PCDHGA1: variants seen among roughly 807,000 people sequenced by gnomAD.
PCDHGA1 encodes the protein protocadherin gamma-A1.
In PCDHGA1, 32 loss-of-function variants were observed where a neutral mutation model predicts 58.0. The ratio of observed to expected loss-of-function variants is 0.55; its 90% CI spans 0.42 to 0.74. PCDHGA1 has a LOEUF of 0.74. PCDHGA1 is among the 30% of genes least tolerant of loss of function. The probability of loss-of-function intolerance (pLI) is 0.00; values close to 1 mark genes in which losing one functional copy is unlikely to be tolerated. For synonymous variants in PCDHGA1, 498 were observed against 501.1 expected, an observed-to-expected ratio of 0.99 and a Z score of 0.08; for missense variants, 1,205 against 1,182.3, an observed-to-expected ratio of 1.02 and a Z score of -0.28.
rs115281328 is a variant in PCDHGA1, at chr5:141,377,595, C to T, written c.2421+44490C>T. 1,339 of 144,106 alleles carry T rather than the reference C, an allele frequency of 9.3e-3. 18 individuals are homozygous for T. Among genetic ancestry groups the T allele is most frequent in the African/African-American group, 0.033 (1,264 of 38,356 alleles). 8.9% of individuals were successfully genotyped at this position (144,106 alleles called of 1,614,324 possible). The stretch of plus-strand genomic sequence containing the variant: ...TGGGAGACAGAATGAGACTTTTTCT[C>T]TCTCTCTCTCAAAAAAAAAAAAAGA... On this transcript the variant is annotated intron_variant, in intron 1 of 3. Coordinates refer to ENST00000517417, the MANE Select transcript of PCDHGA1 (RefSeq NM_018912.3).
intron 1 of PCDHGA1, chr5:141,393,056 C>A: frequency 6.2e-7 from 1 of 1,613,606 alleles, no homozygotes; most frequent in Non-Finnish European, 8.5e-7. Flanking sequence ...ACCCGCGCAG[C>A]GGCAGCTTGA....
rs978049964 is a variant in PCDHGA1 at position 141,376,740 on chromosome 5, G to A, written c.2421+43635G>A. On this transcript the variant is annotated intron_variant, in intron 1 of 3. Coordinates refer to ENST00000517417, the MANE Select transcript of PCDHGA1 (RefSeq NM_018912.3). ...TGTCGCCCAGGCCGGACTGCGGACT[G>A]CAGTGGCGCAATCTCGGCTCACTGC... is the stretch of plus-strand genomic sequence containing the variant. 6 of 494,230 alleles carry A rather than the reference G, an allele frequency of 1.2e-5. No homozygotes were observed. In the Admixed American group the frequency reaches 1.2e-4, roughly 10 times the overall value. The allele number at this position is 494,230 out of a possible 1,614,324, so 30.6% of individuals were successfully genotyped here.
chr5:141,395,158 A>G, intron 1 of PCDHGA1: 2 of 1,614,208 alleles, frequency 1.2e-6, no homozygotes, highest in Non-Finnish European at 1.7e-6. Context: ...CTCATCAGTC[A>G]GGAGGGCTGT....
chr5:141,375,495 T>A, intron 1 of PCDHGA1: 1 of 1,613,918 alleles, frequency 6.2e-7, no homozygotes, highest in Admixed American at 1.7e-5. Flanking sequence ...GGTGCCTCCA[T>A]CTTCTCTGTG....
chr5:141,379,410 A>T (rs1314256524), intron 1 of PCDHGA1: 1 of 152,226 alleles, frequency 6.6e-6, no homozygotes, highest in African/African-American at 2.4e-5. Context: ...CTTGGATATT[A>T]GTCTCATGAG....
intron 1 of PCDHGA1, chr5:141,374,799 C>T (rs1177554784): frequency 3.1e-6 from 5 of 1,613,978 alleles, no homozygotes; most frequent in African/African-American, 2.7e-5. Flanking sequence ...AATGACAACA[C>T]TCCAATGTTT....
Position 141,489,090 on chromosome 5 carries a change from C to CCAA in PCDHGA1, c.2422-5717_2422-5716insCAA, listed in dbSNP as rs2099682444. 1 of 328,824 alleles carries CCAA rather than the reference C, an allele frequency of 3.0e-6. No individual in the cohort carries two copies. Among genetic ancestry groups the CCAA allele is most frequent in the Admixed American group, 6.1e-5 (1 of 16,500 alleles). The allele number at this position is 328,824 out of a possible 1,614,324, so 20.4% of individuals were successfully genotyped here. ...CCTGCCCACCCCCGCCACTCGGTGA[C>CCAA]TAAGAACTGCTGCAAGCAGGCAAAC... On this transcript the variant is annotated intron_variant, in intron 1 of 3. Transcript: ENST00000517417. This position sits in a 1 kb window ranked among gnomAD's most constrained non-coding sequence, Gnocchi z 4.5.
At chr5:141,419,939 G>GTGGCCT (rs780963377) in intron 1 of PCDHGA1, 3 of 1,614,054 alleles carry the variant, frequency 1.9e-6, no homozygotes, top group Admixed American at 1.7e-5. Flanking sequence ...TTACCTGGTG[G>GTGGCCT]TGGCCTTGGC....
intron 2 of PCDHGA1, among the ~76,000 whole-genome samples, chr5:141,499,384 A>G (rs2099791576): frequency 6.6e-6 from 1 of 152,200 alleles, no homozygotes. Context: ...TTTTCCACTT[A>G]TAAAATAGTA....
intron 1 of PCDHGA1, chr5:141,413,820 C>G (rs967941133): frequency 5.6e-6 from 9 of 1,613,086 alleles, no homozygotes; most frequent in South Asian, 1.1e-5. Flanking sequence ...ACCACCTGGT[C>G]CTCACCGCCT....
chr5:141,389,397 A>G (rs1196356712), intron 1 of PCDHGA1: 2 of 1,613,688 alleles, frequency 1.2e-6, no homozygotes, highest in Admixed American at 3.3e-5. Context: ...CTACGTGTCC[A>G]TAAGCGCGGA....
At chr5:141,344,327 G>C (rs1342358137) in intron 1 of PCDHGA1, 4 of 1,613,924 alleles carry the variant, frequency 2.5e-6, no homozygotes, top group Non-Finnish European at 3.4e-6. Context: ...TCTGCGCTCA[G>C]ATCCCGCTGT....
Position 141,476,416 on chromosome 5 carries a change from A to G in PCDHGA1, c.2422-18391A>G. On this transcript the variant is annotated intron_variant, in intron 1 of 3. Coordinates refer to ENST00000517417, the MANE Select transcript of PCDHGA1 (RefSeq NM_018912.3). The surrounding 1 kb of genome is among the most constrained non-coding windows in gnomAD (Gnocchi z 7.6). ...TGGATCGAGAGGAGCTGTGTGGGAC[A>G]CTGCCCTCTTGCACTGTAACTCTGG... 1 of 1,614,056 alleles carries G rather than the reference A, an allele frequency of 6.2e-7. No individual in the cohort carries two copies. The highest frequency in any genetic ancestry group is 8.5e-7 in the Non-Finnish European group (1 of 1,179,994).
intron 1 of PCDHGA1, chr5:141,415,030 G>A (rs374572942): frequency 1.2e-6 from 2 of 1,613,460 alleles, no homozygotes; most frequent in African/African-American, 2.7e-5. Flanking sequence ...CAGCGAGCCG[G>A]GACTCTTCGC....
chr5:141,346,650 T>A, intron 1 of PCDHGA1: 2 of 808,356 alleles, frequency 2.5e-6, no homozygotes, highest in Non-Finnish European at 3.9e-6. Context: ...TGAGTGGGCT[T>A]AGGGAAAAAA....
chr5:141,475,616 G>A (rs2099366026), intron 1 of PCDHGA1, among the ~76,000 whole-genome samples: 1 of 152,206 alleles, frequency 6.6e-6, no homozygotes, highest in Admixed American at 6.5e-5. Flanking sequence ...GTAGTTTTCG[G>A]TTTGGTTCGA....
At chr5:141,444,813 T>A (rs1382814369) in intron 1 of PCDHGA1, among the ~76,000 whole-genome samples, 3 of 152,228 alleles carry the variant, frequency 2.0e-5, no homozygotes, top group African/African-American at 4.8e-5. Flanking sequence ...AATAGCACAC[T>A]GTCTCAATTA....
At chr5:141,390,163 C>G (rs376391116) in intron 1 of PCDHGA1, 6 of 1,613,992 alleles carry the variant, frequency 3.7e-6, no homozygotes, top group Non-Finnish European at 5.1e-6. Flanking sequence ...ACAGGAAAGA[C>G]GGAGTTTAAT....
intron 2 of PCDHGA1, among the ~76,000 whole-genome samples, chr5:141,497,293 C>T (rs1270907262): frequency 6.6e-6 from 1 of 152,136 alleles, no homozygotes. Flanking sequence ...TACCTACCAC[C>T]ACCCCAGGCC....
Sources: gnomAD v4.1 joint callset for allele counts (sites outside exome capture counted in the v4.1 genomes callset) on GRCh38, gnomAD v4.1.1 for gene constraint, Gnocchi (gnomAD v3.1) non-coding constraint, MANE v1.5 for transcripts, NCBI Gene and HGNC (gene_info 2026-07-23, HGNC 2026-07-21) for gene names.